Variants in MTDH observed in about 807,000 individuals in gnomAD.
The protein encoded by MTDH is metadherin, also known as protein LYRIC.
A neutral mutation model predicts 72.7 loss-of-function variants in MTDH; 34 were observed. The observed-to-expected ratio is 0.47, with a 90% confidence interval of 0.36 to 0.62. The LOEUF is 0.62. Ranked by LOEUF, MTDH falls within the 20% of genes least tolerant of loss-of-function variation. The pLI is 0.00. For missense variants in MTDH, 677 were observed against 699.4 expected (o/e 0.97, Z 0.36); for synonymous variants, 266 against 268.9 (o/e 0.99, Z 0.10).
Position 97,705,340 on chromosome 8 carries a change from G to A in MTDH, c.1148-1286G>A, listed in dbSNP as rs554780442. 1.1e-4 allele frequency among the ~76,000 whole-genome samples: 17 copies of A among 151,632 alleles called. 1 individual carries two copies. In the East Asian group the frequency reaches 2.7e-3, roughly 24 times the overall value. ...AGCATTGCTGGGCGTGGTGCCTCAC[G>A]CCTATAATCCCAGCACTTTGGGAGG... is the stretch of plus-strand genomic sequence containing the variant. On this transcript the variant is annotated intron_variant, in intron 7 of 11. Transcript: ENST00000336273.
At chr8:97,714,676 C>T (rs1814782642) in intron 9 of MTDH, among the ~76,000 whole-genome samples, 1 of 151,578 alleles carries the variant, frequency 6.6e-6, no homozygotes, top group East Asian at 1.9e-4. Context: ...TTTTTTAAAG[C>T]ACTAATACTG....
chr8:97,669,247 T>A (rs1812512105), intron 2 of MTDH, among the ~76,000 whole-genome samples: 1 of 152,006 alleles, frequency 6.6e-6, no homozygotes, highest in Non-Finnish European at 1.5e-5. Context: ...CTCCCTGGGT[T>A]CAAGCAATTC....
chr8:97,704,473 T>TG (rs1444522382), intron 7 of MTDH, among the ~76,000 whole-genome samples: 1 of 152,096 alleles, frequency 6.6e-6, no homozygotes, highest in East Asian at 1.9e-4. Flanking sequence ...CCAGGCATGG[T>TG]GGCACATGGC....
chr8:97,653,767 G>A (rs1371169217), intron 1 of MTDH, among the ~76,000 whole-genome samples: 1 of 152,204 alleles, frequency 6.6e-6, no homozygotes, highest in African/African-American at 2.4e-5. Context: ...TATTTGATCA[G>A]TTTTAAAATG....
intron 2 of MTDH, among the ~76,000 whole-genome samples, chr8:97,672,664 G>A (rs1193106120): frequency 2.0e-5 from 3 of 152,168 alleles, no homozygotes; most frequent in Non-Finnish European, 4.4e-5. Context: ...CCTTACACAG[G>A]AAGTGGCAAG....
At chr8:97,655,710 G>A (rs1184900561) in intron 1 of MTDH, among the ~76,000 whole-genome samples, 4 of 152,168 alleles carry the variant, frequency 2.6e-5, no homozygotes, top group Admixed American at 2.6e-4. Context: ...CTAGCACTTT[G>A]GGAGGCCAAA....
chr8:97,678,624 A>G, intron 2 of MTDH, among the ~76,000 whole-genome samples: 1 of 68,424 alleles, frequency 1.5e-5, no homozygotes, highest in African/African-American at 5.8e-5. Context: ...TTTTTGAGAG[A>G]GAGACAGAAT....
chr8:97,724,561 C>T (rs1397513566), intron 11 of MTDH, 39 bp from the exon 12 acceptor site: 2 of 1,403,352 alleles, frequency 1.4e-6, no homozygotes, highest in Non-Finnish European at 9.8e-7. Flanking sequence ...TTACCATCCT[C>T]CTAATTTTTT....
Position 97,714,213 on chromosome 8 carries a change from A to G in MTDH, c.1380+444A>G, listed in dbSNP as rs1814757888. ...TTTCCTGCTTTTTTGGCATCTACCC[A>G]ACAGACATTTTCTCTTTCCATCACT... On this transcript the variant is annotated intron_variant, in intron 9 of 11. Coordinates refer to ENST00000336273, the MANE Select transcript of MTDH (RefSeq NM_178812.4). Among the ~76,000 whole-genome samples the G allele has an allele frequency of 2.6e-5, 4 of 152,304 alleles. No individual in the cohort carries two copies. In the East Asian group the frequency reaches 5.8e-4, roughly 22 times the overall value.
chr8:97,708,322 C>T (rs957063699), intron 8 of MTDH, among the ~76,000 whole-genome samples: 3 of 121,202 alleles, frequency 2.5e-5, no homozygotes, highest in African/African-American at 9.6e-5. Flanking sequence ...CGCCCTGTCT[C>T]CCAGACTGGA....
At chr8:97,724,224 C>T (rs1815267325) in intron 11 of MTDH, among the ~76,000 whole-genome samples, 1 of 152,178 alleles carries the variant, frequency 6.6e-6, no homozygotes, top group African/African-American at 2.4e-5. Context: ...TTTTTCTCTG[C>T]ACATGTTCTT....
chr8:97,696,326 A>G (rs561105507), intron 6 of MTDH: 1 of 955,558 alleles, frequency 1.0e-6, no homozygotes, highest in East Asian at 1.2e-4. Flanking sequence ...TTCAGCTAAC[A>G]AAAACATTTG....
At chr8:97,710,309 A>G (rs143694115) in intron 8 of MTDH, among the ~76,000 whole-genome samples, 274 of 152,342 alleles carry the variant, frequency 1.8e-3, no homozygotes, top group African/African-American at 6.4e-3. Context: ...AAGATAGTCT[A>G]GGAATCTAGG....
intron 5 of MTDH, 77 bp from the exon 6 acceptor site, chr8:97,690,875 A>G (rs974575448): frequency 3.7e-5 from 37 of 999,252 alleles, no homozygotes; most frequent in Non-Finnish European, 5.3e-5. Context: ...AAGTCAAGCA[A>G]TCATAGAAAT....
intron 8 of MTDH, among the ~76,000 whole-genome samples, chr8:97,707,864 A>G (rs1261680902): frequency 6.6e-6 from 1 of 150,442 alleles, no homozygotes; most frequent in Non-Finnish European, 1.5e-5. Context: ...TTAAAAAAGA[A>G]AAAAAAAAAG....
rs1192534514 is a variant in MTDH, at chr8:97,649,604, TTTG to T, written c.381+4729_381+4731del. Among the ~76,000 whole-genome samples, 4 of 152,186 alleles carry T rather than the reference TTTG, an allele frequency of 2.6e-5. No homozygotes were observed. In the East Asian group the frequency reaches 7.7e-4, roughly 29 times the overall value. On this transcript the variant is annotated intron_variant, in intron 1 of 11. Transcript: ENST00000336273. ...CTCTTTATTTATGATTATTTTCATT[TTTG>T]TTGTTGTTGTTTTTGGAGACCAGAG... is the stretch of plus-strand genomic sequence containing the variant.
chr8:97,704,360 TA>T (rs1403534536), intron 7 of MTDH, among the ~76,000 whole-genome samples: 3 of 152,234 alleles, frequency 2.0e-5, no homozygotes, highest in Admixed American at 1.3e-4. Context: ...AGTAAGTGCT[TA>T]ATAAGGATTG....
rs1440611452 is a variant in MTDH at position 97,687,472 on chromosome 8, G to A, written c.612G>A (p.Gln204=). 6.2e-7 allele frequency: 1 copy of A among 1,610,622 alleles called. No homozygotes were observed. Among genetic ancestry groups the A allele is most frequent in the Non-Finnish European group, 8.5e-7 (1 of 1,178,450 alleles). ...TKISHREKRQ[Q]RKRDKVLTDS... The stretch of plus-strand genomic sequence containing the variant: ...TTAGTCACAGAGAGAAACGACAGCA[G>A]CGTAAACGTGATAAGGTGCTGACTG... The change falls in exon 4 of 12, where the codon CAG becomes CAA. Residue 204 remains glutamine (Q), a synonymous_variant. Coordinates refer to ENST00000336273, the MANE Select transcript of MTDH (RefSeq NM_178812.4).
intron 1 of MTDH, among the ~76,000 whole-genome samples, chr8:97,654,245 G>C (rs1184743697): frequency 6.6e-6 from 1 of 152,212 alleles, no homozygotes; most frequent in Non-Finnish European, 1.5e-5. Flanking sequence ...AATTGGGGTT[G>C]AACTGTGTCT....
Sources: allele counts gnomAD v4.1 joint callset (sites outside exome capture counted in the v4.1 genomes callset), GRCh38; gene constraint gnomAD v4.1.1; transcripts MANE v1.5; gene names NCBI Gene and HGNC (gene_info 2026-07-23, HGNC 2026-07-21).